ADGRV1: variants seen among roughly 807,000 people sequenced by gnomAD.
ADGRV1 encodes G-protein coupled receptor 98.
A neutral mutation model predicts 596.2 loss-of-function variants in ADGRV1; 359 were observed. The ratio of observed to expected loss-of-function variants is 0.60; its 90% CI spans 0.55 to 0.66. The LOEUF is 0.66. Ranked by LOEUF, ADGRV1 falls within the 30% of genes least tolerant of loss-of-function variation. ADGRV1 has a pLI of 0.00. For synonymous variants in ADGRV1, 2,681 were observed against 2,679.2 expected, an observed-to-expected ratio of 1.00 and a Z score of -0.02; for missense variants, 7,274 against 7,575.6, an observed-to-expected ratio of 0.96 and a Z score of 1.48.
chr5:90,915,182 G>A (rs904564677), intron 83 of ADGRV1, among the ~76,000 whole-genome samples: 8 of 152,088 alleles, frequency 5.3e-5, no homozygotes, highest in Non-Finnish European at 1.0e-4. Flanking sequence ...TCCAGACAGC[G>A]TTCTAAAAGT....
chr5:90,975,609 A>C (rs1392020230), intron 84 of ADGRV1, among the ~76,000 whole-genome samples: 4 of 152,152 alleles, frequency 2.6e-5, no homozygotes, highest in Non-Finnish European at 5.9e-5. Context: ...AAGGATGAAA[A>C]ACCAAACACC....
At chr5:90,948,135 A>T (rs1179381716) in intron 83 of ADGRV1, among the ~76,000 whole-genome samples, 1 of 152,150 alleles carries the variant, frequency 6.6e-6, no homozygotes, top group Non-Finnish European at 1.5e-5. Context: ...GCTATCACTA[A>T]TGAAGTTCAG....
At chr5:90,897,050 G>T (rs1306999546) in intron 83 of ADGRV1, among the ~76,000 whole-genome samples, 1 of 152,200 alleles carries the variant, frequency 6.6e-6, no homozygotes, top group Non-Finnish European at 1.5e-5. Context: ...ACATGTATTT[G>T]CTTCTGAAAT....
At position 90,855,511 on chromosome 5, in the gene ADGRV1, C is replaced by T. The variant is rs73179347; in HGVS notation, c.17595-230C>T. Among the ~76,000 whole-genome samples the T allele has an allele frequency of 1.8e-3, 273 of 152,228 alleles. 1 individual carries two copies. The highest frequency in any genetic ancestry group is 6.0e-3 in the African/African-American group (248 of 41,530). ...ACAAGCTCCTTTGGTACCAGGAATG[C>T]CTTCAAAGCTTTGGTTGGTATTTAG... On this transcript the variant is annotated intron_variant, in intron 81 of 89. Transcript: ENST00000405460.
chr5:90,821,062 G>A (rs1308556991), intron 75 of ADGRV1, among the ~76,000 whole-genome samples: 3 of 152,042 alleles, frequency 2.0e-5, no homozygotes, highest in Non-Finnish European at 4.4e-5. Context: ...CCAATCAGAC[G>A]TAGATTTGGT....
At chr5:90,738,341 T>G (rs1486040256) in intron 50 of ADGRV1, among the ~76,000 whole-genome samples, 1 of 152,146 alleles carries the variant, frequency 6.6e-6, no homozygotes, top group African/African-American at 2.4e-5. Context: ...TAAATTTGCT[T>G]TATATAATCA....
intron 1 of ADGRV1, among the ~76,000 whole-genome samples, chr5:90,605,515 A>G (rs1305154931): frequency 6.6e-6 from 1 of 152,170 alleles, no homozygotes; most frequent in African/African-American, 2.4e-5. Context: ...TTTTCCTGGA[A>G]GTATTTGTCT....
chr5:90,635,189 A>G lies in ADGRV1; in HGVS notation c.1915A>G (p.Ile639Val). 6.2e-7 allele frequency: 1 copy of G among 1,612,836 alleles called. No homozygotes were observed. The highest frequency in any genetic ancestry group is 1.3e-5 in the African/African-American group (1 of 75,000). The change falls in exon 10 of 90, where the codon ATT (isoleucine) becomes GTT (valine). Residue 639 changes from isoleucine (I) to valine (V), a missense_variant. Transcript: ENST00000405460. ...ISPRFGEICN[I>V]SLLVTPAIAN... ...CCCTAGATTTGGGGAAATCTGCAAT[A>G]TTTCTTTACTGGTTACTCCAGCCAT...
chr5:90,801,560 A>G (rs991765215), intron 70 of ADGRV1, among the ~76,000 whole-genome samples: 10 of 151,606 alleles, frequency 6.6e-5, no homozygotes, highest in Non-Finnish European at 1.5e-4. Context: ...TTGACCCATG[A>G]TTCATGTTCA....
chr5:90,606,599 A>G (rs935100687), intron 1 of ADGRV1, among the ~76,000 whole-genome samples: 1 of 152,222 alleles, frequency 6.6e-6, no homozygotes, highest in Non-Finnish European at 1.5e-5. Flanking sequence ...GCTACACACC[A>G]TAATTATTGT....
At chr5:90,653,087 C>A in intron 19 of ADGRV1, 122 bp from the exon 20 acceptor site, 1 of 912,998 alleles carries the variant, frequency 1.1e-6, no homozygotes, top group Non-Finnish European at 1.6e-6. Flanking sequence ...CACTACTTTT[C>A]ATTGATAATG....
At chr5:90,969,952 G>A (rs1007659987) in intron 84 of ADGRV1, among the ~76,000 whole-genome samples, 4 of 152,240 alleles carry the variant, frequency 2.6e-5, no homozygotes, top group African/African-American at 9.6e-5. Context: ...AAGTGCAAGC[G>A]ATCAGGGAAT....
chr5:90,878,410 A>T (rs560600326), intron 83 of ADGRV1, among the ~76,000 whole-genome samples: 6 of 152,310 alleles, frequency 3.9e-5, no homozygotes, highest in Non-Finnish European at 7.4e-5. Flanking sequence ...AGCAACTTGA[A>T]GAAAAGATTG....
In ADGRV1 at chr5:90,784,001, A is replaced by T; in HGVS notation, c.13597A>T (p.Thr4533Ser). The T allele has an allele frequency of 6.2e-7, 1 of 1,613,004 alleles. No homozygotes were observed. The highest frequency in any genetic ancestry group is 8.5e-7 in the Non-Finnish European group (1 of 1,179,480). The part of the protein sequence containing the change: ...SKISIANPNS[T>S]MILSLVLERT... ...AATTTCTATTGCTAATCCCAATTCC[A>T]CAATGATTTTATCACTGGTGCTGGA... Residue 4533 changes from threonine (T) to serine (S), a missense_variant, in exon 67 of 90, where the codon ACA (threonine) becomes TCA (serine). Transcript: ENST00000405460.
chr5:91,097,791 G>T (rs565319960), intron 86 of ADGRV1, among the ~76,000 whole-genome samples: 1 of 152,184 alleles, frequency 6.6e-6, no homozygotes, highest in African/African-American at 2.4e-5. Context: ...ATGGTATCAC[G>T]GTGGTTTTGA....
At chr5:90,952,485 CTG>C (rs1280867067) in intron 83 of ADGRV1, among the ~76,000 whole-genome samples, 1 of 152,068 alleles carries the variant, frequency 6.6e-6, no homozygotes, top group Non-Finnish European at 1.5e-5. Flanking sequence ...ACACTGGAGT[CTG>C]TGGAAGGATG....
In ADGRV1 at chr5:90,790,942, A is replaced by G; in HGVS notation, c.14113A>G (p.Ile4705Val). The G allele has an allele frequency of 1.2e-6, 2 of 1,612,642 alleles. No individual in the cohort carries two copies. The highest frequency in any genetic ancestry group is 1.7e-6 in the Non-Finnish European group (2 of 1,179,822). The stretch of plus-strand genomic sequence containing the variant: ...TCTTTCCACCAGTGGATTTTTCACC[A>G]TTGCTGATGGAGAGAGTGAAGCTAG... ...DFLSTSGFFT[I>V]ADGESEASFD... Residue 4705 changes from isoleucine to valine, a missense_variant, in exon 70 of 90, where the codon ATT becomes GTT. Ile to Val is a conservative substitution (Grantham distance 29, BLOSUM62 3). This residue lies in a region of ADGRV1 where 1,874 missense variants were observed against 1,970.2 expected (regional missense o/e 0.95). Transcript: ENST00000405460.
chr5:90,627,704 C>G lies in ADGRV1; in HGVS notation c.1166C>G (p.Pro389Arg). The G allele has an allele frequency of 1.9e-6, 3 of 1,607,622 alleles. No homozygotes were observed. Among genetic ancestry groups the G allele is most frequent in the Non-Finnish European group, 2.5e-6 (3 of 1,177,048 alleles). The change falls in exon 7 of 90, where the codon CCT (proline) becomes CGT (arginine). Residue 389 changes from proline to arginine, a missense_variant. This residue lies in a region of ADGRV1 where 1,715 missense variants were observed against 1,708.8 expected (regional missense o/e 1.00). Transcript: ENST00000405460. Reference sequence around the variant, plus strand: ...GTCACCATTAAGCCAAATGATAAACCTTATGGAGTCCTTTCATTCAACAGT... The same window carrying G: ...GTCACCATTAAGCCAAATGATAAACGTTATGGAGTCCTTTCATTCAACAGT... ...VQVTIKPNDK[P>R]YGVLSFNSVL...
At chr5:90,989,257 A>G (rs947701746) in intron 85 of ADGRV1, among the ~76,000 whole-genome samples, 2 of 152,170 alleles carry the variant, frequency 1.3e-5, no homozygotes, top group African/African-American at 2.4e-5. Flanking sequence ...AGTCCCACCA[A>G]CAGTGTAAAA....
Sources: allele counts gnomAD v4.1 joint callset (sites outside exome capture counted in the v4.1 genomes callset), GRCh38; gene constraint gnomAD v4.1.1; regional missense constraint gnomAD v4.1.1; transcripts MANE v1.5; gene names NCBI Gene and HGNC (gene_info 2026-07-23, HGNC 2026-07-21).